Variants in GRID1 observed in about 807,000 individuals in gnomAD.
GRID1 encodes the protein glutamate ionotropic receptor delta type subunit 1, also known as glutamate receptor ionotropic, delta-1.
GRID1 carries 28 observed loss-of-function variants against 98.0 expected under a neutral mutation model. The observed-to-expected ratio is 0.29, with a 90% CI of 0.21 to 0.39. The LOEUF (loss-of-function observed/expected upper bound fraction) is 0.39, where lower values mean the gene tolerates loss of function less well. Among genes scored for constraint, GRID1 ranks in the 10% least tolerant of loss-of-function variants. The pLI is 1.00. For missense variants in GRID1, 1,111 were observed against 1,340.5 expected, an observed-to-expected ratio of 0.83 and a Z score of 2.67; for synonymous variants, 553 against 538.5, an observed-to-expected ratio of 1.03 and a Z score of -0.37.
chr10:85,880,802 G>A (rs1238172934), intron 5 of GRID1, among the ~76,000 whole-genome samples: 1 of 152,050 alleles, frequency 6.6e-6, no homozygotes, highest in African/African-American at 2.4e-5. Flanking sequence ...GAAATAAAGG[G>A]TATTCAATTA....
At chr10:86,208,186 C>T in intron 2 of GRID1, among the ~76,000 whole-genome samples, 1 of 152,204 alleles carries the variant, frequency 6.6e-6, no homozygotes, top group East Asian at 1.9e-4. Context: ...CGGCTGCCCT[C>T]CATGCAAGGG....
intron 3 of GRID1, among the ~76,000 whole-genome samples, chr10:86,186,913 A>G (rs1021558932): frequency 1.1e-4 from 17 of 152,358 alleles, no homozygotes; most frequent in Admixed American, 2.6e-4. Flanking sequence ...ACTGAGGTAG[A>G]GAGACTAACT....
chr10:86,088,589 A>C (rs2352462), intron 4 of GRID1, among the ~76,000 whole-genome samples: 81,000 of 151,998 alleles, frequency 0.53, 22,899 homozygotes, highest in African/African-American at 0.73. Flanking sequence ...GGAACTTCAG[A>C]TGAAAACTTT....
intron 8 of GRID1, among the ~76,000 whole-genome samples, chr10:85,825,563 A>G (rs1842811953): frequency 6.6e-6 from 1 of 152,148 alleles, no homozygotes; most frequent in Admixed American, 6.5e-5. Context: ...TAATACTGAA[A>G]CTTTTCAGTG....
chr10:86,328,509 G>C (rs1400942466), intron 2 of GRID1, among the ~76,000 whole-genome samples: 1 of 152,232 alleles, frequency 6.6e-6, no homozygotes, highest in Non-Finnish European at 1.5e-5. Context: ...GCTCTGCATG[G>C]CTGGGTTCCT....
intron 8 of GRID1, among the ~76,000 whole-genome samples, chr10:85,797,179 T>G (rs1477458451): frequency 6.6e-6 from 1 of 152,192 alleles, no homozygotes; most frequent in Non-Finnish European, 1.5e-5. Flanking sequence ...AAAAGAGTTT[T>G]TTAAAAAACC....
chr10:86,245,253 A>C (rs1846704665), intron 2 of GRID1, among the ~76,000 whole-genome samples: 1 of 152,172 alleles, frequency 6.6e-6, no homozygotes, highest in Admixed American at 6.5e-5. Context: ...TGCTTCTCCC[A>C]GAGTTGGCAC....
chr10:85,996,634 G>A (rs1381203166), intron 4 of GRID1, among the ~76,000 whole-genome samples: 1 of 152,010 alleles, frequency 6.6e-6, no homozygotes, highest in African/African-American at 2.4e-5. Flanking sequence ...AGAGCAACCA[G>A]TCTTGCCAAC....
intron 2 of GRID1, among the ~76,000 whole-genome samples, chr10:86,293,324 C>T (rs932562375): frequency 6.6e-6 from 1 of 152,122 alleles, no homozygotes; most frequent in Admixed American, 6.6e-5. Flanking sequence ...CTGGCCCAGG[C>T]ATGCCAGTCA....
At chr10:85,678,881 G>C (rs1309976302) in intron 12 of GRID1, among the ~76,000 whole-genome samples, 1 of 152,072 alleles carries the variant, frequency 6.6e-6, no homozygotes, top group Non-Finnish European at 1.5e-5. Context: ...ATTGCACCCT[G>C]AGCATGCAAC....
chr10:85,780,895 T>C (rs1380456082), intron 8 of GRID1, among the ~76,000 whole-genome samples: 5 of 152,228 alleles, frequency 3.3e-5, no homozygotes, highest in Non-Finnish European at 5.9e-5. Flanking sequence ...GTTGTTGCTA[T>C]TATAATTGCA....
At chr10:85,771,700 C>G (rs374665910) in intron 8 of GRID1, among the ~76,000 whole-genome samples, 2 of 152,130 alleles carry the variant, frequency 1.3e-5, no homozygotes, top group Non-Finnish European at 2.9e-5. Context: ...GACTTTAAAC[C>G]AGCAAATATC....
rs570322081 is a variant in GRID1, at chr10:85,770,613, T to C, written c.1234-40999A>G. 2.4e-3 allele frequency among the ~76,000 whole-genome samples: 361 copies of C among 152,056 alleles called. 2 individuals carry two copies. Among genetic ancestry groups the C allele is most frequent in the African/African-American group, 8.5e-3 (351 of 41,464 alleles). On this transcript the variant is annotated intron_variant, in intron 8 of 15. Coordinates refer to ENST00000327946, the MANE Select transcript of GRID1 (RefSeq NM_017551.3). ...ACGAATGTATAACTAGAATAACCAA[T>C]ACAGAGAAGTGCTTAAAGGAACTGA...
chr10:85,627,981 G>C (rs1460991118), intron 13 of GRID1, among the ~76,000 whole-genome samples: 4 of 152,102 alleles, frequency 2.6e-5, no homozygotes, highest in Non-Finnish European at 5.9e-5. Flanking sequence ...TAAGCAGTGT[G>C]TGTGCATGAG....
At chr10:85,767,258 A>G (rs73328693) in intron 8 of GRID1, among the ~76,000 whole-genome samples, 2,540 of 152,278 alleles carry the variant, frequency 0.017, 69 homozygotes, top group African/African-American at 0.058. Flanking sequence ...ATAAACTCAT[A>G]TAAGTTACAC....
intron 2 of GRID1, among the ~76,000 whole-genome samples, chr10:86,359,274 C>T (rs748433063): frequency 3.9e-5 from 6 of 152,154 alleles, no homozygotes; most frequent in African/African-American, 1.4e-4. Context: ...ACTGCAAGAG[C>T]GTGGCCTCGA....
chr10:86,028,323 A>G (rs917806387), intron 4 of GRID1, among the ~76,000 whole-genome samples: 10 of 152,234 alleles, frequency 6.6e-5, no homozygotes, highest in African/African-American at 2.2e-4. Context: ...CATTCTGGGA[A>G]GGTTATGGAA....
At chr10:86,003,623 G>A (rs375437718) in intron 4 of GRID1, among the ~76,000 whole-genome samples, 77 of 152,286 alleles carry the variant, frequency 5.1e-4, no homozygotes, top group African/African-American at 1.8e-3. Context: ...CCAAGTACGC[G>A]AGGAGGCTGC....
chr10:86,033,552 G>C (rs1180962920), intron 4 of GRID1, among the ~76,000 whole-genome samples: 1 of 152,232 alleles, frequency 6.6e-6, no homozygotes, highest in Non-Finnish European at 1.5e-5. Context: ...TTGCAGGGGG[G>C]CAGCAGTCTT....
Sources: gnomAD v4.1 joint callset for allele counts (sites outside exome capture counted in the v4.1 genomes callset) on GRCh38, gnomAD v4.1.1 for gene constraint, MANE v1.5 for transcripts, NCBI Gene and HGNC (gene_info 2026-07-23, HGNC 2026-07-21) for gene names.